CMTM4: variants seen among roughly 807,000 people sequenced by gnomAD.
CMTM4 encodes CKLF like MARVEL transmembrane domain containing 4.
CMTM4 carries 8 observed loss-of-function variants against 19.0 expected under a neutral mutation model. The observed-to-expected ratio is 0.42, with a 90% CI of 0.25 to 0.76. CMTM4 has a LOEUF of 0.76. CMTM4 is among the 30% of genes least tolerant of loss of function. The pLI, the probability that CMTM4 is intolerant of heterozygous loss-of-function variation, is 0.27. For synonymous variants in CMTM4, 106 were observed against 121.1 expected, an observed-to-expected ratio of 0.88 and a Z score of 0.82; for missense variants, 228 against 290.2, an observed-to-expected ratio of 0.79 and a Z score of 1.56.
chr16:66,646,472 A>G (rs893111280), intron 1 of CMTM4, among the ~76,000 whole-genome samples: 3 of 152,178 alleles, frequency 2.0e-5, no homozygotes, highest in Non-Finnish European at 2.9e-5. Context: ...TTCAGGAAGA[A>G]TCTATAGTAA....
chr16:66,648,337 C>A (rs1211408681), intron 1 of CMTM4, among the ~76,000 whole-genome samples: 1 of 152,186 alleles, frequency 6.6e-6, no homozygotes, highest in African/African-American at 2.4e-5. Context: ...ATGGTGCCTT[C>A]ATCTGTTTGG....
At position 66,618,553 on chromosome 16, in the gene CMTM4, G is replaced by A; in HGVS notation, c.*3505C>T. 1 of 985,502 alleles carries A rather than the reference G, an allele frequency of 1.0e-6. No homozygotes were observed. The highest frequency in any genetic ancestry group is 4.7e-5 in the South Asian group (1 of 21,288). The allele number at this position is 985,502 out of a possible 1,614,324, so 61.0% of individuals were successfully genotyped here. ...ACGGGTTTCTCATGTGAATCTACAA[G>A]AAAAGGTACGCCTGGGCCACACGCA... On this transcript the variant is annotated 3_prime_UTR_variant, in exon 4 of 4. Coordinates refer to ENST00000394106, the MANE Select transcript of CMTM4 (RefSeq NM_181521.3).
At chr16:66,671,735 C>T (rs1292314933) in intron 1 of CMTM4, among the ~76,000 whole-genome samples, 1 of 152,152 alleles carries the variant, frequency 6.6e-6, no homozygotes, top group Non-Finnish European at 1.5e-5. Context: ...AATAGACCAT[C>T]AGATGCCCTC....
chr16:66,683,187 A>ACATG (rs2016965978), intron 1 of CMTM4, among the ~76,000 whole-genome samples: 1 of 93,042 alleles, frequency 1.1e-5, no homozygotes, highest in African/African-American at 3.5e-5. Context: ...ATATGTATAT[A>ACATG]TATATACATA....
chr16:66,604,710 G>T, the CMTM4 span: 4 of 996,402 alleles, frequency 4.0e-6, 1 homozygote, highest in Non-Finnish European at 5.1e-6. Flanking sequence ...AGCCAGTGTC[G>T]CCTGCCCTCC....
intron 1 of CMTM4, among the ~76,000 whole-genome samples, chr16:66,682,537 C>T (rs1052253821): frequency 2.6e-5 from 4 of 152,194 alleles, no homozygotes; most frequent in African/African-American, 9.6e-5. Flanking sequence ...ACTATCCACA[C>T]TTGATTAAAC....
downstream of CMTM4, chr16:66,612,744 G>T: frequency 1.8e-6 from 2 of 1,134,336 alleles, no homozygotes; most frequent in South Asian, 1.4e-5. This position sits in a 1 kb window ranked among gnomAD's most constrained non-coding sequence, Gnocchi z 6.0. Flanking sequence ...AGTTGCAGAG[G>T]GGGCTGCGGA....
chr16:66,608,580 G>A, the CMTM4 span: 1 of 1,015,638 alleles, frequency 9.8e-7, no homozygotes, highest in Middle Eastern at 3.2e-4. The surrounding 1 kb of genome is among the most constrained non-coding windows in gnomAD (Gnocchi z 5.1). Flanking sequence ...GTTTGCAGTT[G>A]GTTAGAACTG....
intron 1 of CMTM4, among the ~76,000 whole-genome samples, chr16:66,664,748 G>A (rs940500301): frequency 6.6e-6 from 1 of 151,702 alleles, no homozygotes; most frequent in South Asian, 2.1e-4. Flanking sequence ...AAGAAAAGAG[G>A]AAAGGGAAAA....
chr16:66,676,211 A>G (rs1185124616), intron 1 of CMTM4, among the ~76,000 whole-genome samples: 1 of 152,160 alleles, frequency 6.6e-6, no homozygotes, highest in Non-Finnish European at 1.5e-5. Flanking sequence ...CACTTGGGCA[A>G]TTGCCTGAGT....
chr16:66,620,781 C>G lies in CMTM4; in HGVS notation c.*1277G>C, dbSNP rs2015616821. On this transcript the variant is annotated 3_prime_UTR_variant, in exon 4 of 4. Transcript: ENST00000394106. Reference sequence around the variant, plus strand: ...TAAAAACAGTTCAAAGAGGGAAAACCTGACAAACTAAAACAACTTTTTTCC... The same window carrying G: ...TAAAAACAGTTCAAAGAGGGAAAACGTGACAAACTAAAACAACTTTTTTCC... 1 of 985,620 alleles carries G rather than the reference C, an allele frequency of 1.0e-6. No homozygotes were observed. The highest frequency in any genetic ancestry group is 1.2e-6 in the Non-Finnish European group (1 of 829,912). The allele number at this position is 985,620 out of a possible 1,614,324, so 61.1% of individuals were successfully genotyped here.
intron 2 of CMTM4, among the ~76,000 whole-genome samples, chr16:66,628,945 T>C (rs1336434642): frequency 1.3e-5 from 2 of 152,242 alleles, no homozygotes; most frequent in Non-Finnish European, 2.9e-5. Context: ...AAGTTTTCAT[T>C]TCTCTTGGGT....
intron 1 of CMTM4, among the ~76,000 whole-genome samples, chr16:66,666,216 G>C (rs1482755348): frequency 6.6e-6 from 1 of 152,206 alleles, no homozygotes; most frequent in Non-Finnish European, 1.5e-5. Context: ...ACTTTGGGAG[G>C]CCGAGGCAGG....
chr16:66,626,216 C>T (rs2015735373), intron 2 of CMTM4, among the ~76,000 whole-genome samples: 3 of 152,198 alleles, frequency 2.0e-5, no homozygotes, highest in Non-Finnish European at 1.5e-5. Flanking sequence ...GGGCGGATCA[C>T]CTGAGGTCAG....
Position 66,636,442 on chromosome 16 carries a change from A to C in CMTM4, c.326T>G (p.Leu109Arg). Reference protein sequence around the residue: ...GVLLIMFSLNLHMRIPQINWN... With the variant: ...GVLLIMFSLNRHMRIPQINWN... ...GTTGATCTGGGGGATCCTCATGTGC[A>C]GGTTGAGACTGAACATAATCAGCAA... is the stretch of plus-strand genomic sequence containing the variant. Residue 109 changes from leucine (L) to arginine (R), a missense_variant, in exon 2 of 4, where the codon CTG becomes CGG. Coordinates refer to ENST00000394106, the MANE Select transcript of CMTM4 (RefSeq NM_181521.3). 1 of 1,614,134 alleles carries C rather than the reference A, an allele frequency of 6.2e-7. No homozygotes were observed. Among genetic ancestry groups the C allele is most frequent in the Non-Finnish European group, 8.5e-7 (1 of 1,179,994 alleles).
rs537306037 is a variant in CMTM4 at position 66,635,816 on chromosome 16, G to A, written c.363+589C>T. On this transcript the variant is annotated intron_variant, in intron 2 of 3. Coordinates refer to ENST00000394106, the MANE Select transcript of CMTM4 (RefSeq NM_181521.3). ...AGTAAGGACACAGTCTAGGAAAGGG[G>A]GTCTAGGACTGACCAGCCCTGTGCT... Among the ~76,000 whole-genome samples the A allele has an allele frequency of 1.5e-4, 23 of 152,264 alleles. No homozygotes were observed. In the South Asian group the frequency reaches 4.4e-3, roughly 29 times the overall value.
downstream of CMTM4, chr16:66,612,979 T>C (rs2015439104): frequency 1.4e-6 from 1 of 692,744 alleles, no homozygotes; most frequent in South Asian, 1.5e-5. This position sits in a 1 kb window ranked among gnomAD's most constrained non-coding sequence, Gnocchi z 6.0. Flanking sequence ...AGGTGTTCCA[T>C]GCTGCTAGGT....
intron 1 of CMTM4, among the ~76,000 whole-genome samples, chr16:66,645,437 GCA>G (rs2016175213): frequency 6.6e-6 from 1 of 151,856 alleles, no homozygotes; most frequent in African/African-American, 2.4e-5. Context: ...AATTAGCCAG[GCA>G]TGGTGGCGGG....
At chr16:66,608,304 C>T in the CMTM4 span, 7 of 1,613,950 alleles carry the variant, frequency 4.3e-6, no homozygotes, top group Non-Finnish European at 3.4e-6. This position sits in a 1 kb window ranked among gnomAD's most constrained non-coding sequence, Gnocchi z 5.1. Context: ...ACTCCTTCCC[C>T]GCAGGGTCTC....
Sources: gnomAD v4.1 joint callset for allele counts (sites outside exome capture counted in the v4.1 genomes callset) on GRCh38, gnomAD v4.1.1 for gene constraint, Gnocchi (gnomAD v3.1) non-coding constraint, MANE v1.5 for transcripts, NCBI Gene and HGNC (gene_info 2026-07-23, HGNC 2026-07-21) for gene names.